Variants in SCUBE1 observed in about 807,000 individuals in gnomAD.
The protein encoded by SCUBE1 is signal peptide, CUB domain and EGF like domain containing 1, also known as signal peptide, CUB and EGF-like domain-containing protein 1.
SCUBE1 carries 59 observed loss-of-function variants against 124.4 expected under a neutral mutation model. The ratio of observed to expected loss-of-function variants is 0.47; its 90% CI spans 0.38 to 0.59. The LOEUF (loss-of-function observed/expected upper bound fraction) is 0.59. Among genes scored for constraint, SCUBE1 ranks in the 20% least tolerant of loss-of-function variants. The pLI, the probability that SCUBE1 is intolerant of heterozygous loss-of-function variation, is 0.00. For synonymous variants in SCUBE1, 545 were observed against 550.9 expected (o/e 0.99, Z 0.15); for missense variants, 1,150 against 1,371.2 (o/e 0.84, Z 2.55).
At chr22:43,301,553 C>T (rs76055573) in intron 3 of SCUBE1, among the ~76,000 whole-genome samples, 411 of 152,312 alleles carry the variant, frequency 2.7e-3, no homozygotes, top group Non-Finnish European at 4.9e-3. Flanking sequence ...CTCCTTCAGA[C>T]CTCAGCTCAC....
At chr22:43,264,467 C>A (rs1339065079) in intron 4 of SCUBE1, among the ~76,000 whole-genome samples, 1 of 152,140 alleles carries the variant, frequency 6.6e-6, no homozygotes, top group African/African-American at 2.4e-5. Flanking sequence ...CTGGCTGGAC[C>A]GGGTGGCCAG....
At chr22:43,335,559 C>G (rs1927035377) in intron 2 of SCUBE1, among the ~76,000 whole-genome samples, 1 of 152,206 alleles carries the variant, frequency 6.6e-6, no homozygotes, top group African/African-American at 2.4e-5. Flanking sequence ...TACCCTAAGT[C>G]TGTTATCAGG....
chr22:43,214,049 C>T, intron 16 of SCUBE1, 41 bp downstream of exon 16: 2 of 261,134 alleles, frequency 7.7e-6, no homozygotes, highest in Non-Finnish European at 1.5e-5. Context: ...GAGCCCCCGC[C>T]CACCCCCCAC....
At chr22:43,276,135 C>CTGGGAGGA (rs1924506265) in intron 4 of SCUBE1, 1 of 152,914 alleles carries the variant, frequency 6.5e-6, no homozygotes, top group Admixed American at 6.5e-5. Flanking sequence ...AAGCACAGGT[C>CTGGGAGGA]TGGGAGGATG....
rs61361341 is a variant in SCUBE1, at chr22:43,199,454, C to T, written c.*4543G>A. The T allele has an allele frequency of 0.048, 7,311 of 151,464 alleles. 917 individuals are homozygous for T. Among genetic ancestry groups the T allele is most frequent in the African/African-American group, 0.17 (6,826 of 40,844 alleles). The allele number at this position is 151,464 out of a possible 1,614,324, so 9.4% of individuals were successfully genotyped here. ...GAGGTAGGGGAAATGGCTTCTCTCC[C>T]AAGGCCTTCAAATTTGGCCTCTTGT... is the stretch of plus-strand genomic sequence containing the variant. On this transcript the variant is annotated 3_prime_UTR_variant, in exon 22 of 22. Transcript: ENST00000360835.
At chr22:43,226,101 T>C (rs1395123770) in intron 10 of SCUBE1, among the ~76,000 whole-genome samples, 14 of 152,164 alleles carry the variant, frequency 9.2e-5, no homozygotes, top group Admixed American at 9.2e-4. Flanking sequence ...AAATATTTAC[T>C]CTGTGTCTGT....
intron 17 of SCUBE1, 150 bp downstream of exon 17, chr22:43,212,275 A>T (rs1040367047): frequency 1.2e-6 from 1 of 838,822 alleles, no homozygotes; most frequent in Non-Finnish European, 1.8e-6. Context: ...ACAGTGGGTC[A>T]CCCACGCCCA....
In SCUBE1 at chr22:43,255,670, C is replaced by G; in HGVS notation, c.727+2549G>C. ...ACAGTCAGCCTCTCGGCGTGGCGCACGCAAAGCCAACACAACACGCCGGCC... is the reference window on the plus strand; with the variant it reads ...ACAGTCAGCCTCTCGGCGTGGCGCAGGCAAAGCCAACACAACACGCCGGCC... On this transcript the variant is annotated intron_variant, in intron 6 of 21. Coordinates refer to ENST00000360835, the MANE Select transcript of SCUBE1 (RefSeq NM_173050.5). This position sits in a 1 kb window ranked among gnomAD's most constrained non-coding sequence, Gnocchi z 4.7. 9.0e-7 allele frequency: 1 copy of G among 1,114,580 alleles called. No homozygotes were observed. Among genetic ancestry groups the G allele is most frequent in the Non-Finnish European group, 1.3e-6 (1 of 757,694 alleles). 69.0% of individuals were successfully genotyped at this position (1,114,580 alleles called of 1,614,324 possible). A position where few individuals can be genotyped will look rare whatever the true frequency, so the allele number is the denominator to read the frequency against.
chr22:43,286,990 G>A (rs990266917), intron 4 of SCUBE1, among the ~76,000 whole-genome samples: 5 of 152,204 alleles, frequency 3.3e-5, no homozygotes, highest in African/African-American at 1.2e-4. Context: ...TGTGGGAGAG[G>A]GAGAGAGCCT....
chr22:43,215,003 G>C (rs2146659766), intron 15 of SCUBE1, among the ~76,000 whole-genome samples: 1 of 152,328 alleles, frequency 6.6e-6, no homozygotes, highest in African/African-American at 2.4e-5. Flanking sequence ...TCCCATGCCT[G>C]TGTGTGCACG....
chr22:43,228,372 T>C (rs891915029), intron 9 of SCUBE1, among the ~76,000 whole-genome samples: 1 of 152,166 alleles, frequency 6.6e-6, no homozygotes, highest in Non-Finnish European at 1.5e-5. Flanking sequence ...TGGAGCTGTC[T>C]TCCCAGTGGT....
At chr22:43,223,021 C>G (rs1922159381) in intron 11 of SCUBE1, 76 bp downstream of exon 11, 2 of 1,484,536 alleles carry the variant, frequency 1.3e-6, no homozygotes, top group Non-Finnish European at 1.8e-6. Flanking sequence ...TGGAGGACAG[C>G]TGGGAGCAAT....
intron 2 of SCUBE1, among the ~76,000 whole-genome samples, chr22:43,325,578 T>G (rs1926700477): frequency 6.6e-6 from 1 of 150,808 alleles, no homozygotes; most frequent in South Asian, 2.1e-4. Context: ...TGAGGAGGGG[T>G]GGTGACAGGG....
At chr22:43,274,083 T>C (rs1330427309) in intron 4 of SCUBE1, among the ~76,000 whole-genome samples, 2 of 151,962 alleles carry the variant, frequency 1.3e-5, no homozygotes, top group Non-Finnish European at 2.9e-5. Flanking sequence ...TCACTAGGTG[T>C]CACCGCAATC....
chr22:43,233,708 G>A, intron 7 of SCUBE1: 1 of 152,350 alleles, frequency 6.6e-6, no homozygotes, highest in Non-Finnish European at 1.5e-5. Flanking sequence ...CCTCAGGCCG[G>A]CCCATGTCGC....
At chr22:43,245,576 GC>G (rs1490086207) in intron 6 of SCUBE1, among the ~76,000 whole-genome samples, 1 of 152,170 alleles carries the variant, frequency 6.6e-6, no homozygotes, top group African/African-American at 2.4e-5. Context: ...CAGAGCCAGC[GC>G]TGCTCGTGTC....
intron 2 of SCUBE1, among the ~76,000 whole-genome samples, chr22:43,338,633 C>T (rs1375378782): frequency 6.6e-6 from 1 of 152,090 alleles, no homozygotes; most frequent in African/African-American, 2.4e-5. Context: ...TCAAGTGATT[C>T]TCCTGCCTCA....
At chr22:43,326,892 C>T (rs1328946945) in intron 2 of SCUBE1, among the ~76,000 whole-genome samples, 1 of 152,108 alleles carries the variant, frequency 6.6e-6, no homozygotes, top group Non-Finnish European at 1.5e-5. Flanking sequence ...GCATCACCTC[C>T]TCCCTGAAGC....
At position 43,246,752 on chromosome 22, in the gene SCUBE1, T is replaced by A. The variant is rs141779621; in HGVS notation, c.728-7798A>T. On this transcript the variant is annotated intron_variant, in intron 6 of 21. Transcript: ENST00000360835. ...TCGTGGGCTGCCCCGGAGATGTGGCTGAGGACAGATTAAACAACAACCTGG... is the reference window on the plus strand; with the variant it reads ...TCGTGGGCTGCCCCGGAGATGTGGCAGAGGACAGATTAAACAACAACCTGG... 7.6e-3 allele frequency among the ~76,000 whole-genome samples: 1,153 copies of A among 152,322 alleles called. 7 individuals carry two copies. Among genetic ancestry groups the A allele is most frequent in the African/African-American group, 0.026 (1,098 of 41,562 alleles).
Sources: gnomAD v4.1 joint callset for allele counts (sites outside exome capture counted in the v4.1 genomes callset) on GRCh38, gnomAD v4.1.1 for gene constraint, Gnocchi (gnomAD v3.1) non-coding constraint, MANE v1.5 for transcripts, NCBI Gene and HGNC (gene_info 2026-07-23, HGNC 2026-07-21) for gene names.